Variants in ATXN1 observed in about 807,000 individuals in gnomAD.
ATXN1 encodes the protein ataxin-1.
A neutral mutation model predicts 56.4 loss-of-function variants in ATXN1; 8 were observed. The observed-to-expected ratio is 0.14, with a 90% CI of 0.08 to 0.26. ATXN1 has a LOEUF of 0.26. Among genes scored for constraint, ATXN1 ranks in the 10% least tolerant of loss-of-function variants. The pLI, the probability that ATXN1 is intolerant of heterozygous loss-of-function variation, is 1.00. For synonymous variants in ATXN1, 514 were observed against 494.6 expected (o/e 1.04, Z -0.52); for missense variants, 987 against 1,106.5 (o/e 0.89, Z 1.53).
chr6:16,651,115 G>A (rs1763884509), intron 3 of ATXN1, among the ~76,000 whole-genome samples: 1 of 152,140 alleles, frequency 6.6e-6, no homozygotes, highest in Admixed American at 6.6e-5. Flanking sequence ...TAGAATAAAT[G>A]GAACACAGAA....
intron 2 of ATXN1, among the ~76,000 whole-genome samples, chr6:16,711,040 G>C (rs1453942831): frequency 6.6e-6 from 1 of 152,138 alleles, no homozygotes; most frequent in Non-Finnish European, 1.5e-5. Flanking sequence ...GAGCCATAGA[G>C]CCCAGCCCAT....
chr6:16,341,040 T>C (rs900837027), intron 6 of ATXN1, among the ~76,000 whole-genome samples: 5 of 152,206 alleles, frequency 3.3e-5, no homozygotes, highest in Admixed American at 3.3e-4. Context: ...ACTTCCGGTG[T>C]CTTAATATCC....
chr6:16,483,299 C>G (rs1760475884), intron 6 of ATXN1, among the ~76,000 whole-genome samples: 1 of 152,186 alleles, frequency 6.6e-6, no homozygotes, highest in African/African-American at 2.4e-5. Flanking sequence ...CTTCCAATGG[C>G]TGCTGTGATT....
chr6:16,382,750 C>T (rs1758155514), intron 6 of ATXN1, among the ~76,000 whole-genome samples: 1 of 151,956 alleles, frequency 6.6e-6, no homozygotes, highest in East Asian at 1.9e-4. Flanking sequence ...CTTTTGGCTT[C>T]CCTGGGCCAC....
chr6:16,425,013 C>T (rs1157680867), intron 6 of ATXN1, among the ~76,000 whole-genome samples: 2 of 152,314 alleles, frequency 1.3e-5, no homozygotes, highest in South Asian at 2.1e-4. Flanking sequence ...GCAGACTATT[C>T]CCTAACATGC....
At chr6:16,531,506 T>G (rs566636063) in intron 4 of ATXN1, among the ~76,000 whole-genome samples, 1 of 151,690 alleles carries the variant, frequency 6.6e-6, no homozygotes, top group African/African-American at 2.4e-5. Flanking sequence ...ACCTGTAATC[T>G]CAGCTACTCA....
In ATXN1 at chr6:16,591,717, T is replaced by C. The variant is rs78535800; in HGVS notation, c.-488-5810A>G. Among the ~76,000 whole-genome samples, 203 of 152,300 alleles carry C rather than the reference T, an allele frequency of 1.3e-3. 1 individual carries two copies. The highest frequency in any genetic ancestry group is 2.5e-3 in the Non-Finnish European group (169 of 68,024). ...CCCAGCGAGGTCTCTGTATTTTTCA[T>C]AACAAACTGCACAATTCTTTGCACA... On this transcript the variant is annotated intron_variant, in intron 3 of 7. Transcript: ENST00000436367.
chr6:16,588,991 C>T (rs1762676032), intron 3 of ATXN1, among the ~76,000 whole-genome samples: 1 of 152,110 alleles, frequency 6.6e-6, no homozygotes, highest in Non-Finnish European at 1.5e-5. Context: ...CTGCACTTGA[C>T]CCTCAGCACC....
chr6:16,400,431 A>T (rs1758544303), intron 6 of ATXN1, among the ~76,000 whole-genome samples: 1 of 151,956 alleles, frequency 6.6e-6, no homozygotes. Flanking sequence ...CCACGTGGCC[A>T]TGGCCAGACC....
At chr6:16,362,430 C>T (rs910701148) in intron 6 of ATXN1, among the ~76,000 whole-genome samples, 1 of 152,184 alleles carries the variant, frequency 6.6e-6, no homozygotes, top group Non-Finnish European at 1.5e-5. Context: ...TGTCTTCTCA[C>T]GCTCACACTC....
At chr6:16,324,798 A>G (rs1168792016) in intron 7 of ATXN1, among the ~76,000 whole-genome samples, 1 of 152,194 alleles carries the variant, frequency 6.6e-6, no homozygotes, top group Non-Finnish European at 1.5e-5. Context: ...AGCGTTAACC[A>G]TACTTCCAGT....
At chr6:16,598,242 C>CG (rs1554118819) in intron 3 of ATXN1, among the ~76,000 whole-genome samples, 1 of 152,130 alleles carries the variant, frequency 6.6e-6, no homozygotes, top group Non-Finnish European at 1.5e-5. Flanking sequence ...CCTGCCGGAA[C>CG]GGGTTGCCAA....
intron 6 of ATXN1, among the ~76,000 whole-genome samples, chr6:16,426,256 AAGG>A (rs1315413777): frequency 7.4e-6 from 1 of 135,152 alleles, no homozygotes; most frequent in Non-Finnish European, 1.6e-5. Context: ...ATTAACACAA[AAGG>A]AGGAGAGGGC....
Position 16,328,581 on chromosome 6 carries a change from T to G in ATXN1, c.-160-111A>C, listed in dbSNP as rs549487539. The G allele has an allele frequency of 2.5e-6, 1 of 403,234 alleles. No homozygotes were observed. The highest frequency in any genetic ancestry group is 2.0e-5 in the African/African-American group (1 of 49,154). 25.0% of individuals were successfully genotyped at this position (403,234 alleles called of 1,614,324 possible). ...CGGGGAAAGAACATCTTTGGCAAGA[T>G]TAAGACTAGGCCCTGGACTCGGTGT... On this transcript the variant is annotated intron_variant, in intron 6 of 7. Transcript: ENST00000436367. This position sits in a 1 kb window ranked among gnomAD's most constrained non-coding sequence, Gnocchi z 6.2.
chr6:16,749,856 C>T lies in ATXN1; in HGVS notation c.-615+3377G>A, dbSNP rs1470185799. ...ATGCCAAGGACTCCTCCAAATTTAT[C>T]TTCAGACTTGACCTCTCGGCAGTTT... On this transcript the variant is annotated intron_variant, in intron 2 of 7. Coordinates refer to ENST00000436367, the MANE Select transcript of ATXN1 (RefSeq NM_001128164.2). 3 of 152,278 alleles carry T rather than the reference C, an allele frequency of 2.0e-5. No homozygotes were observed. The East Asian group carries it at 5.8e-4, about 29-fold the overall frequency. The allele number at this position is 152,278 out of a possible 1,614,324, so 9.4% of individuals were successfully genotyped here. A position where few individuals can be genotyped will look rare whatever the true frequency, so the allele number is the denominator to read the frequency against.
rs1489546626 is a variant in ATXN1 at position 16,302,292 on chromosome 6, TC to T, written c.*4036del. The T allele has an allele frequency of 6.6e-6, 1 of 152,330 alleles. No homozygotes were observed. The highest frequency in any genetic ancestry group is 1.5e-5 in the Non-Finnish European group (1 of 68,068). The allele number at this position is 152,330 out of a possible 1,614,324, so 9.4% of individuals were successfully genotyped here. A position where few individuals can be genotyped will look rare whatever the true frequency, so the allele number is the denominator to read the frequency against. ...GGGGAGAAGGAGGGATGCTGCCACT[TC>T]CTGGTGGGGGGAAAAAACCCAACAC... On this transcript the variant is annotated 3_prime_UTR_variant, in exon 8 of 8. Coordinates refer to ENST00000436367, the MANE Select transcript of ATXN1 (RefSeq NM_001128164.2).
Position 16,410,130 on chromosome 6 carries a change from G to GGGT in ATXN1, c.-161+75839_-161+75841dup, listed in dbSNP as rs1222508296. Among the ~76,000 whole-genome samples, 4 of 152,204 alleles carry GGGT rather than the reference G, an allele frequency of 2.6e-5. No individual in the cohort carries two copies. The highest frequency in any genetic ancestry group is 9.7e-5 in the African/African-American group (4 of 41,450). On this transcript the variant is annotated intron_variant, in intron 6 of 7. Transcript: ENST00000436367. The surrounding 1 kb of genome is among the most constrained non-coding windows in gnomAD (Gnocchi z 4.6). Reference sequence around the variant, plus strand: ...AGAGGGTGGCACCGGAGCCCTACCTGGGTGCTGGCACTGCCTCGGCCTCTT... The same window carrying GGGT: ...AGAGGGTGGCACCGGAGCCCTACCTGGGTGGTGCTGGCACTGCCTCGGCCTCTT...
chr6:16,405,397 C>T (rs925895317), intron 6 of ATXN1, among the ~76,000 whole-genome samples: 2 of 152,222 alleles, frequency 1.3e-5, no homozygotes, highest in Non-Finnish European at 2.9e-5. Flanking sequence ...TCCAGCCTAT[C>T]TCCTTCCCAT....
intron 5 of ATXN1, among the ~76,000 whole-genome samples, chr6:16,522,300 T>G (rs1257330232): frequency 6.6e-6 from 1 of 152,174 alleles, no homozygotes; most frequent in Non-Finnish European, 1.5e-5. Flanking sequence ...CCCCCTTGCC[T>G]ACAGCTGTAT....
Sources: allele counts gnomAD v4.1 joint callset (sites outside exome capture counted in the v4.1 genomes callset), GRCh38; gene constraint gnomAD v4.1.1; non-coding constraint Gnocchi (gnomAD v3.1); transcripts MANE v1.5; gene names NCBI Gene and HGNC (gene_info 2026-07-23, HGNC 2026-07-21).